ZSCAN32: variants seen among roughly 807,000 people sequenced by gnomAD.
The protein encoded by ZSCAN32 is zinc finger and SCAN domain-containing protein 32.
Under a neutral mutation model 47.4 loss-of-function variants are expected in ZSCAN32, and 52 were observed. That is an observed-to-expected ratio of 1.10 (90% CI 0.88 to 1.38). The LOEUF (loss-of-function observed/expected upper bound fraction) is 1.38, where lower values mean the gene tolerates loss of function less well. ZSCAN32 is among the 40% of genes most tolerant of loss of function. The pLI, the probability that ZSCAN32 is intolerant of heterozygous loss-of-function variation, is 0.00. For synonymous variants in ZSCAN32, 346 were observed against 305.7 expected (o/e 1.13, Z -1.38); for missense variants, 959 against 846.0 (o/e 1.13, Z -1.66).
chr16:3,392,056 C>A (rs2032766887), intron 3 of ZSCAN32, among the ~76,000 whole-genome samples: 1 of 152,192 alleles, frequency 6.6e-6, no homozygotes, highest in Non-Finnish European at 1.5e-5. Flanking sequence ...AATATCCATG[C>A]AATGGAATAT....
intron 1 of ZSCAN32, among the ~76,000 whole-genome samples, chr16:3,398,638 TACTC>T (rs1203681444): frequency 1.3e-5 from 2 of 152,304 alleles, no homozygotes; most frequent in East Asian, 3.9e-4. Context: ...GCTGACGAAT[TACTC>T]AAACTGTTCC....
rs1278707840 is a variant in ZSCAN32 at position 3,397,682 on chromosome 16, T to G, written c.-125A>C. 7 of 1,297,492 alleles carry G rather than the reference T, an allele frequency of 5.4e-6. No homozygotes were observed. The highest frequency in any genetic ancestry group is 7.2e-6 in the Non-Finnish European group (7 of 972,734). The allele number at this position is 1,297,492 out of a possible 1,614,324, so 80.4% of individuals were successfully genotyped here. A position where few individuals can be genotyped will look rare whatever the true frequency, so the allele number is the denominator to read the frequency against. On this transcript the variant is annotated 5_prime_UTR_variant, in exon 2 of 7. It removes an upstream start codon present in the reference 5' UTR. Coordinates refer to ENST00000396852, the MANE Select transcript of ZSCAN32 (RefSeq NM_001284527.2). ...ATGTCTTTCTGTAATCCGTGGGACA[T>G]GAGAGTGTCAGACATGTGTAGAGAC...
intron 2 of ZSCAN32, among the ~76,000 whole-genome samples, chr16:3,396,538 T>C (rs1387734640): frequency 6.6e-6 from 1 of 152,158 alleles, no homozygotes; most frequent in Non-Finnish European, 1.5e-5. Flanking sequence ...CCTCCATTAC[T>C]CTAGGCCTCT....
At chr16:3,398,006 G>A (rs2033538931) in intron 1 of ZSCAN32, among the ~76,000 whole-genome samples, 1 of 152,080 alleles carries the variant, frequency 6.6e-6, no homozygotes, top group African/African-American at 2.4e-5. Context: ...GTCATTCCTG[G>A]GTGTGGGCCA....
intron 3 of ZSCAN32, among the ~76,000 whole-genome samples, chr16:3,393,300 C>T (rs1466535212): frequency 5.0e-5 from 5 of 100,378 alleles, no homozygotes; most frequent in South Asian, 3.6e-4. Flanking sequence ...TACAGTGGTG[C>T]GATCTTGGCT....
intron 1 of ZSCAN32, among the ~76,000 whole-genome samples, chr16:3,400,562 A>T (rs940787035): frequency 6.6e-6 from 1 of 152,348 alleles, no homozygotes; most frequent in Middle Eastern, 3.4e-3. Flanking sequence ...AAAAAAATGT[A>T]GCATGAGGAT....
chr16:3,384,405 G>T, intron 6 of ZSCAN32, 54 bp downstream of exon 6: 1 of 1,604,494 alleles, frequency 6.2e-7, no homozygotes, highest in Non-Finnish European at 8.5e-7. Flanking sequence ...TAGGCTAATG[G>T]CCTCTAAAGT....
intron 2 of ZSCAN32, among the ~76,000 whole-genome samples, chr16:3,396,345 C>A (rs528984269): frequency 6.6e-6 from 1 of 152,276 alleles, no homozygotes; most frequent in Admixed American, 6.5e-5. Context: ...TCATCTATAT[C>A]CCCCTTCACC....
chr16:3,390,883 C>T lies in ZSCAN32; in HGVS notation c.533-366G>A, dbSNP rs957052633. On this transcript the variant is annotated intron_variant, in intron 3 of 6. Transcript: ENST00000396852. ...TACATGTCAGGGAAAAAAAGAGAATCGTAGTGGGCAAACAAAAATCTCTCC... is the reference window on the plus strand; with the variant it reads ...TACATGTCAGGGAAAAAAAGAGAATTGTAGTGGGCAAACAAAAATCTCTCC... 3.3e-5 allele frequency among the ~76,000 whole-genome samples: 5 copies of T among 151,968 alleles called. No individual in the cohort carries two copies. The East Asian group carries it at 7.7e-4, about 24-fold the overall frequency.
chr16:3,395,031 GTC>G (rs2033234484), intron 2 of ZSCAN32, among the ~76,000 whole-genome samples: 2 of 152,232 alleles, frequency 1.3e-5, no homozygotes, highest in Admixed American at 6.5e-5. Flanking sequence ...ATTTATGATT[GTC>G]TGTTTCCCCC....
intron 3 of ZSCAN32, among the ~76,000 whole-genome samples, chr16:3,393,241 T>TA (rs1398744033): frequency 1.2e-3 from 13 of 10,600 alleles, no homozygotes; most frequent in South Asian, 5.3e-3. Flanking sequence ...TTTATATATT[T>TA]TATATATATA....
chr16:3,393,340 C>G (rs1798926835), intron 3 of ZSCAN32, among the ~76,000 whole-genome samples: 1 of 130,990 alleles, frequency 7.6e-6, no homozygotes, highest in African/African-American at 3.0e-5. Flanking sequence ...TGGGTTCAAG[C>G]AGTTCTCCTG....
Position 3,382,845 on chromosome 16 carries a change from G to T in ZSCAN32, c.*7C>A. ...GAGGAACTTAATCTGACAGTTTACC[G>T]ACACACTCATAACGCATCTCTTCCT... On this transcript the variant is annotated 3_prime_UTR_variant, in exon 7 of 7. Coordinates refer to ENST00000396852, the MANE Select transcript of ZSCAN32 (RefSeq NM_001284527.2). 1.3e-6 allele frequency: 2 copies of T among 1,544,542 alleles called. No homozygotes were observed. Among genetic ancestry groups the T allele is most frequent in the South Asian group, 1.2e-5 (1 of 80,720 alleles).
intron 1 of ZSCAN32, among the ~76,000 whole-genome samples, chr16:3,398,536 A>C (rs1433583928): frequency 6.6e-6 from 1 of 152,108 alleles, no homozygotes; most frequent in Non-Finnish European, 1.5e-5. Flanking sequence ...GTCTTGACAA[A>C]CTGGCTTTAT....
At position 3,397,149 on chromosome 16, in the gene ZSCAN32, A is replaced by G. The variant is rs547762024; in HGVS notation, c.366+43T>C. 3 of 1,472,024 alleles carry G rather than the reference A, an allele frequency of 2.0e-6. No homozygotes were observed. In the East Asian group the frequency reaches 7.4e-5, roughly 36 times the overall value. 91.2% of individuals were successfully genotyped at this position (1,472,024 alleles called of 1,614,324 possible). On this transcript the variant is annotated intron_variant, in intron 2 of 6. Transcript: ENST00000396852. Reference sequence around the variant, plus strand: ...TCTCCAGTAACTGGATTCCCCGACAACTTCATAACCAAAACCACAAAGTTC... The same window carrying G: ...TCTCCAGTAACTGGATTCCCCGACAGCTTCATAACCAAAACCACAAAGTTC...
At chr16:3,392,805 G>A (rs916861558) in intron 3 of ZSCAN32, among the ~76,000 whole-genome samples, 6 of 151,728 alleles carry the variant, frequency 4.0e-5, no homozygotes, top group South Asian at 2.1e-4. Flanking sequence ...CAGCCTGGGC[G>A]ACAGAGCAAG....
chr16:3,400,289 T>C (rs1187692499), intron 1 of ZSCAN32, among the ~76,000 whole-genome samples: 1 of 152,102 alleles, frequency 6.6e-6, no homozygotes, highest in Non-Finnish European at 1.5e-5. Flanking sequence ...AGCGATGAAG[T>C]ATCTTGCCTA....
rs2031479746 is a variant in ZSCAN32 at position 3,383,298 on chromosome 16, T to C, written c.1648A>G (p.Lys550Glu). 5.0e-6 allele frequency: 8 copies of C among 1,614,076 alleles called. No individual in the cohort carries two copies. The highest frequency in any genetic ancestry group is 1.3e-5 in the African/African-American group (1 of 74,922). Residue 550 changes from lysine (K) to glutamate (E), a missense_variant, in exon 7 of 7, where the codon AAG (lysine) becomes GAG (glutamate). By Grantham distance (56) the Lys-to-Glu change is moderately conservative. Coordinates refer to ENST00000396852, the MANE Select transcript of ZSCAN32 (RefSeq NM_001284527.2). The part of the protein sequence containing the change: ...QRIHTGEKPH[K>E]CSECGKGFSE... ...AAGCCCTTCCCGCACTCACTGCACTTGTGAGGCTTCTCGCCTGTGTGGATT... is the reference window on the plus strand; with the variant it reads ...AAGCCCTTCCCGCACTCACTGCACTCGTGAGGCTTCTCGCCTGTGTGGATT...
chr16:3,384,560 T>C lies in ZSCAN32; in HGVS notation c.1133A>G (p.Asp378Gly). Residue 378 changes from aspartate (D) to glycine (G), a missense_variant, in exon 6 of 7, where the codon GAT becomes GGT. Transcript: ENST00000396852. ...HQNGEPTEVE[D>G]GTVDGADRDE... ...CCTGTCTGCACCATCCACAGTGCCA[T>C]CTTCTACCTCCGTGGGTTCCCCATT... The C allele has an allele frequency of 1.2e-6, 2 of 1,614,160 alleles. No individual in the cohort carries two copies. Among genetic ancestry groups the C allele is most frequent in the South Asian group, 1.1e-5 (1 of 91,082 alleles).
Sources: allele counts gnomAD v4.1 joint callset (sites outside exome capture counted in the v4.1 genomes callset), GRCh38; gene constraint gnomAD v4.1.1; transcripts MANE v1.5; gene names NCBI Gene and HGNC (gene_info 2026-07-23, HGNC 2026-07-21).